Variants in MEI1 observed in about 807,000 individuals in gnomAD.
MEI1 encodes the protein meiosis inhibitor protein 1.
A neutral mutation model predicts 146.2 loss-of-function variants in MEI1; 103 were observed. The observed-to-expected ratio is 0.70, with a 90% CI of 0.60 to 0.83. The LOEUF (loss-of-function observed/expected upper bound fraction) is 0.83. MEI1 is among the 40% of genes least tolerant of loss of function. MEI1 has a pLI of 0.00. For missense variants in MEI1, 1,529 were observed against 1,533.0 expected (o/e 1.00, Z 0.04); for synonymous variants, 652 against 628.2 (o/e 1.04, Z -0.57).
intron 11 of MEI1, 66 bp from the exon 12 acceptor site, chr22:41,743,014 A>G: frequency 8.8e-7 from 1 of 1,132,804 alleles, no homozygotes; most frequent in South Asian, 1.3e-5. Flanking sequence ...ATTGCCTGAG[A>G]ACCTGGGGTT....
intron 3 of MEI1, among the ~76,000 whole-genome samples, chr22:41,710,227 A>G (rs2069431797): frequency 6.6e-6 from 1 of 152,156 alleles, no homozygotes; most frequent in African/African-American, 2.4e-5. Flanking sequence ...CAAGCCAGGA[A>G]GAGAGGCCTC....
At chr22:41,709,309 A>C (rs2069352119) in intron 3 of MEI1, 3 of 803,972 alleles carry the variant, frequency 3.7e-6, no homozygotes, top group Non-Finnish European at 6.5e-6. Context: ...CCTTGCCAGC[A>C]TCCACTTTTC....
intron 26 of MEI1, 100 bp downstream of exon 26, chr22:41,784,883 T>C: frequency 1.5e-6 from 1 of 689,256 alleles, no homozygotes. Context: ...GCTTGGAGGG[T>C]GGATTAAGAC....
chr22:41,700,525 TTCA>T (rs1196379992), intron 1 of MEI1, among the ~76,000 whole-genome samples: 1 of 152,080 alleles, frequency 6.6e-6, no homozygotes, highest in Non-Finnish European at 1.5e-5. Context: ...GAGACGGAGT[TTCA>T]TCATGTTGGC....
intron 3 of MEI1, among the ~76,000 whole-genome samples, chr22:41,707,745 A>C (rs753289604): frequency 6.6e-6 from 1 of 152,182 alleles, no homozygotes; most frequent in Non-Finnish European, 1.5e-5. Flanking sequence ...AGGAAACAAA[A>C]AGGAAGGAGC....
At chr22:41,704,190 C>T (rs1426294363) in intron 2 of MEI1, among the ~76,000 whole-genome samples, 1 of 152,054 alleles carries the variant, frequency 6.6e-6, no homozygotes, top group Non-Finnish European at 1.5e-5. Context: ...TGGAATGAGC[C>T]CTTTCAGGGA....
At chr22:41,700,751 T>TA (rs1300768519) in intron 1 of MEI1, among the ~76,000 whole-genome samples, 1,718 of 15,844 alleles carry the variant, frequency 0.11, 51 homozygotes, top group African/African-American at 0.14. Context: ...AGTTCTCAAT[T>TA]TTTTTTTTTT....
At chr22:41,727,256 C>T (rs536798843) in intron 7 of MEI1, among the ~76,000 whole-genome samples, 2 of 152,204 alleles carry the variant, frequency 1.3e-5, no homozygotes, top group Admixed American at 1.3e-4. Flanking sequence ...GTATGCCCTC[C>T]ATTCTTCTGG....
At chr22:41,744,326 A>G (rs970360329) in intron 12 of MEI1, among the ~76,000 whole-genome samples, 4 of 152,012 alleles carry the variant, frequency 2.6e-5, no homozygotes, top group African/African-American at 9.7e-5. Flanking sequence ...GCCCGCCACC[A>G]TGCCTGGCTA....
chr22:41,746,209 C>CT (rs1185059599), intron 14 of MEI1, among the ~76,000 whole-genome samples, 183 bp downstream of exon 14: 1 of 152,142 alleles, frequency 6.6e-6, no homozygotes, highest in African/African-American at 2.4e-5. Flanking sequence ...GATTATGAAA[C>CT]TAACAGGTTC....
intron 18 of MEI1, among the ~76,000 whole-genome samples, chr22:41,760,535 A>C (rs948670107): frequency 6.6e-6 from 1 of 151,976 alleles, no homozygotes; most frequent in Admixed American, 6.6e-5. Context: ...ATTAATAATA[A>C]TAATTTATTG....
intron 22 of MEI1, among the ~76,000 whole-genome samples, 196 bp from the exon 23 acceptor site, chr22:41,781,088 T>C (rs1193907667): frequency 6.6e-6 from 1 of 152,226 alleles, no homozygotes; most frequent in African/African-American, 2.4e-5. Context: ...GCTTGCCTGA[T>C]GTTTGTCTAG....
chr22:41,704,991 G>A (rs1186185269), intron 2 of MEI1, among the ~76,000 whole-genome samples: 1 of 152,150 alleles, frequency 6.6e-6, no homozygotes, highest in Non-Finnish European at 1.5e-5. Context: ...TGGAATTACA[G>A]GCGTGAGCCA....
chr22:41,782,389 A>G (rs894841157), intron 24 of MEI1, among the ~76,000 whole-genome samples: 1 of 152,202 alleles, frequency 6.6e-6, no homozygotes, highest in African/African-American at 2.4e-5. Flanking sequence ...AATGCCACAC[A>G]TGGTTAACTG....
At chr22:41,754,837 T>C (rs2073990703) in intron 17 of MEI1, among the ~76,000 whole-genome samples, 1 of 152,086 alleles carries the variant, frequency 6.6e-6, no homozygotes, top group Non-Finnish European at 1.5e-5. Context: ...AGGCAGGCAA[T>C]AAGCAAATGC....
At chr22:41,746,282 A>G (rs2073283550) in intron 14 of MEI1, among the ~76,000 whole-genome samples, 1 of 152,236 alleles carries the variant, frequency 6.6e-6, no homozygotes, top group South Asian at 2.1e-4. Context: ...TATGGAGTGG[A>G]AAGTGCCTAA....
At chr22:41,700,034 T>C (rs1394952649) in intron 1 of MEI1, among the ~76,000 whole-genome samples, 1 of 152,206 alleles carries the variant, frequency 6.6e-6, no homozygotes, top group Non-Finnish European at 1.5e-5. Context: ...CTCCTTCCCT[T>C]TGCTGCCCCT....
chr22:41,795,577 A>G lies in MEI1; in HGVS notation c.3666+35A>G. The G allele has an allele frequency of 1.9e-6, 3 of 1,613,026 alleles. No individual in the cohort carries two copies. Among genetic ancestry groups the G allele is most frequent in the Non-Finnish European group, 2.5e-6 (3 of 1,179,430 alleles). ...AAGGGGAGGCCATGCAGCCACTGTAAAGCTAGACCCTCAACACCATCTTCT... is the reference window on the plus strand; with the variant it reads ...AAGGGGAGGCCATGCAGCCACTGTAGAGCTAGACCCTCAACACCATCTTCT... On this transcript the variant is annotated intron_variant, in intron 29 of 30. Transcript: ENST00000401548. The surrounding 1 kb of genome is among the most constrained non-coding windows in gnomAD (Gnocchi z 4.2).
chr22:41,784,234 C>A, intron 24 of MEI1, 105 bp from the exon 25 acceptor site: 1 of 959,330 alleles, frequency 1.0e-6, no homozygotes, highest in Admixed American at 2.0e-5. Flanking sequence ...CCTTTTGATG[C>A]AGTGGATATG....
Sources: gnomAD v4.1 joint callset for allele counts (sites outside exome capture counted in the v4.1 genomes callset) on GRCh38, gnomAD v4.1.1 for gene constraint, Gnocchi (gnomAD v3.1) non-coding constraint, MANE v1.5 for transcripts, NCBI Gene and HGNC (gene_info 2026-07-23, HGNC 2026-07-21) for gene names.